The following CSNK2A2IP variants were observed in gnomAD, a reference collection of about 807,000 sequenced individuals.
CSNK2A2IP encodes casein kinase 2 subunit alpha' interacting protein, also known as casein kinase II subunit alpha'-interacting protein.
chr3:88,372,093 A>T, the CSNK2A2IP span, among the ~76,000 whole-genome samples: 1 of 151,634 alleles, frequency 6.6e-6, no homozygotes, highest in Non-Finnish European at 1.5e-5. Context: ...GATATTATAC[A>T]TTATTGCCAA....
At chr3:88,450,359 A>T in the CSNK2A2IP span, among the ~76,000 whole-genome samples, 1 of 152,124 alleles carries the variant, frequency 6.6e-6, no homozygotes, top group African/African-American at 2.4e-5. Context: ...CATACAGCAC[A>T]GTTTCGTTAC....
the CSNK2A2IP span, among the ~76,000 whole-genome samples, chr3:88,434,681 C>T: frequency 5.4e-3 from 815 of 152,188 alleles, 12 homozygotes; most frequent in African/African-American, 0.018. Flanking sequence ...TTATAGTTTC[C>T]CCACCCAATG....
At chr3:88,380,121 A>G in the CSNK2A2IP span, among the ~76,000 whole-genome samples, 1 of 152,150 alleles carries the variant, frequency 6.6e-6, no homozygotes, top group Non-Finnish European at 1.5e-5. Flanking sequence ...GCAATTCTCC[A>G]TTGTTATAAA....
the CSNK2A2IP span, among the ~76,000 whole-genome samples, chr3:88,422,625 A>G: frequency 3.3e-5 from 5 of 152,290 alleles, no homozygotes; most frequent in East Asian, 9.7e-4. Flanking sequence ...AGCTTTTAAA[A>G]GCCTTTCTGA....
the CSNK2A2IP span, among the ~76,000 whole-genome samples, chr3:88,411,972 T>C: frequency 6.6e-6 from 1 of 151,820 alleles, no homozygotes; most frequent in Admixed American, 6.6e-5. Flanking sequence ...AACTTACTTA[T>C]GTGGCTTGCA....
At chr3:88,450,266 G>C in the CSNK2A2IP span, among the ~76,000 whole-genome samples, 1 of 152,072 alleles carries the variant, frequency 6.6e-6, no homozygotes, top group East Asian at 1.9e-4. Context: ...ACTATAGTGA[G>C]CAAATTAACA....
At chr3:88,373,195 C>T in the CSNK2A2IP span, among the ~76,000 whole-genome samples, 1 of 151,460 alleles carries the variant, frequency 6.6e-6, no homozygotes, top group African/African-American at 2.4e-5. Context: ...TTCAGAAGAA[C>T]ATGGGACATT....
At chr3:88,411,375 A>ATCTATCTATCTATCTATCTATCTG in the CSNK2A2IP span, among the ~76,000 whole-genome samples, 1 of 119,654 alleles carries the variant, frequency 8.4e-6, no homozygotes, top group African/African-American at 3.4e-5. Context: ...CTATCTATCT[A>ATCTATCTATCTATCTATCTATCTG]TCTGTCTATC....
chr3:88,447,235 C>T, the CSNK2A2IP span, among the ~76,000 whole-genome samples: 19 of 152,180 alleles, frequency 1.2e-4, no homozygotes, highest in South Asian at 2.7e-3. Flanking sequence ...CAAAATTTAG[C>T]TGATTTTCAA....
At chr3:88,434,014 G>T in the CSNK2A2IP span, among the ~76,000 whole-genome samples, 1 of 152,056 alleles carries the variant, frequency 6.6e-6, no homozygotes, top group East Asian at 1.9e-4. Context: ...TCATTTTTGA[G>T]CCCAGATTTT....
chr3:88,467,051 G>T, the CSNK2A2IP span: 2 of 981,086 alleles, frequency 2.0e-6, no homozygotes, highest in East Asian at 3.3e-5. Context: ...ACATCTGAAC[G>T]GGATATCCAG....
At chr3:88,450,739 A>C in the CSNK2A2IP span, among the ~76,000 whole-genome samples, 1 of 151,942 alleles carries the variant, frequency 6.6e-6, no homozygotes, top group African/African-American at 2.4e-5. Context: ...CAGTTTCTTT[A>C]TCCATTCATC....
At chr3:88,396,905 T>G in the CSNK2A2IP span, among the ~76,000 whole-genome samples, 5 of 152,104 alleles carry the variant, frequency 3.3e-5, no homozygotes, top group African/African-American at 9.6e-5. Context: ...ATGGAAAGAA[T>G]TGGATATATT....
chr3:88,391,947 T>C, the CSNK2A2IP span, among the ~76,000 whole-genome samples: 1 of 152,082 alleles, frequency 6.6e-6, no homozygotes, highest in African/African-American at 2.4e-5. Context: ...GTGAGAATAG[T>C]GAGGAGGTGA....
chr3:88,462,272 A>G, the CSNK2A2IP span, among the ~76,000 whole-genome samples: 1 of 152,058 alleles, frequency 6.6e-6, no homozygotes, highest in Non-Finnish European at 1.5e-5. Flanking sequence ...AAATCTTTGC[A>G]TGCTCCAAAT....
chr3:88,466,813 C>T, the CSNK2A2IP span: 1 of 884,162 alleles, frequency 1.1e-6, no homozygotes, highest in Non-Finnish European at 1.5e-6. Context: ...CCTAAAATCT[C>T]CATGTAACCA....
the CSNK2A2IP span, chr3:88,382,817 A>T: frequency 6.6e-6 from 1 of 152,344 alleles, no homozygotes; most frequent in Non-Finnish European, 1.5e-5. Context: ...TTATTTTTAA[A>T]TAAAGTAAAA....
At chr3:88,343,112 T>C in the CSNK2A2IP span, 9 of 152,038 alleles carry the variant, frequency 5.9e-5, no homozygotes, top group Non-Finnish European at 1.2e-4. Flanking sequence ...CACAAGTGCC[T>C]TGGAGTGCGT....
At chr3:88,342,795 A>T in the CSNK2A2IP span, among the ~76,000 whole-genome samples, 1 of 151,806 alleles carries the variant, frequency 6.6e-6, no homozygotes, top group Non-Finnish European at 1.5e-5. Context: ...ATACTTTTGT[A>T]GGTTGATAAT....
Sources: gnomAD v4.1 joint callset for allele counts (sites outside exome capture counted in the v4.1 genomes callset) on GRCh38, gnomAD v4.1.1 for gene constraint, MANE v1.5 for transcripts, NCBI Gene and HGNC (gene_info 2026-07-23, HGNC 2026-07-21) for gene names.